MICAL3: variants seen among roughly 807,000 people sequenced by gnomAD.
MICAL3 encodes microtubule associated monooxygenase, calponin and LIM domain containing 3.
In MICAL3, 62 loss-of-function variants were observed where a neutral mutation model predicts 207.4. The observed-to-expected ratio is 0.30, with a 90% CI of 0.24 to 0.37. The LOEUF is 0.37. Ranked by LOEUF, MICAL3 falls within the 10% of genes least tolerant of loss-of-function variation. MICAL3 has a pLI of 1.00. For synonymous variants in MICAL3, 1,077 were observed against 1,069.3 expected (o/e 1.01, Z -0.14); for missense variants, 2,368 against 2,635.6 (o/e 0.90, Z 2.22).
At chr22:17,936,564 T>G (rs1933539892) in intron 1 of MICAL3, among the ~76,000 whole-genome samples, 1 of 149,994 alleles carries the variant, frequency 6.7e-6, no homozygotes, top group Admixed American at 6.6e-5. Context: ...CCCTAGAACT[T>G]AAAGTATAAT....
intron 19 of MICAL3, chr22:17,861,219 T>TGAA: frequency 3.0e-6 from 3 of 985,424 alleles, no homozygotes; most frequent in Non-Finnish European, 3.6e-6. Context: ...GCTACCCTTC[T>TGAA]AGCTGGTGTG....
intron 16 of MICAL3, among the ~76,000 whole-genome samples, chr22:17,882,310 G>A (rs561392012): frequency 6.6e-6 from 1 of 152,290 alleles, no homozygotes; most frequent in East Asian, 1.9e-4. Flanking sequence ...GGCTGAGGCG[G>A]GCCCTTCTGT....
At chr22:17,822,283 G>A in intron 23 of MICAL3, 113 bp from the exon 24 acceptor site, 1 of 1,314,136 alleles carries the variant, frequency 7.6e-7, no homozygotes, top group Non-Finnish European at 1.0e-6. Context: ...CTCAGGTGCA[G>A]GCCTGGAGGC....
chr22:17,875,456 G>A (rs755232785), intron 16 of MICAL3: 2 of 1,561,516 alleles, frequency 1.3e-6, no homozygotes, highest in Non-Finnish European at 1.7e-6. Context: ...CCTGTCGGAG[G>A]GAGTCGGAGG....
In MICAL3 at chr22:17,893,889, C is replaced by G; in HGVS notation, c.1465G>C (p.Asp489His). Reference protein sequence around the residue: ...LRPSQVRHLYDTGETKDIHLE... With the variant: ...LRPSQVRHLYHTGETKDIHLE... Reference sequence around the variant, plus strand: ...TGAATATCTTTTGTTTCGCCAGTATCATATAAATGGCGCACCTGGCAGAAA... The same window carrying G: ...TGAATATCTTTTGTTTCGCCAGTATGATATAAATGGCGCACCTGGCAGAAA... Residue 489 changes from aspartate (D) to histidine (H), a missense_variant, in exon 11 of 32, where the codon GAT becomes CAT. Coordinates refer to ENST00000441493, the MANE Select transcript of MICAL3 (RefSeq NM_015241.3). 6.4e-7 allele frequency: 1 copy of G among 1,558,912 alleles called. No homozygotes were observed. The highest frequency in any genetic ancestry group is 8.7e-7 in the Non-Finnish European group (1 of 1,150,138).
At chr22:17,975,533 A>G (rs1935593222) in intron 1 of MICAL3, among the ~76,000 whole-genome samples, 1 of 152,068 alleles carries the variant, frequency 6.6e-6, no homozygotes, top group Non-Finnish European at 1.5e-5. Context: ...CAGCTACAGG[A>G]CTTATACTCA....
At position 17,972,966 on chromosome 22, in the gene MICAL3, C is replaced by T. The variant is rs116912126; in HGVS notation, c.-75+51315G>A. ...TGCCCTCAGGCCCCTGCACGTCAGG[C>T]ATGTTGCGCCTTGCCCAGCCGGGCC... On this transcript the variant is annotated intron_variant, in intron 1 of 31. Coordinates refer to ENST00000441493, the MANE Select transcript of MICAL3 (RefSeq NM_015241.3). Among the ~76,000 whole-genome samples the T allele has an allele frequency of 6.6e-3, 1,008 of 152,372 alleles. 5 individuals carry two copies. Among genetic ancestry groups the T allele is most frequent in the Middle Eastern group, 0.01 (3 of 294 alleles).
chr22:17,946,934 C>G (rs1410728332), intron 1 of MICAL3, among the ~76,000 whole-genome samples: 1 of 152,176 alleles, frequency 6.6e-6, no homozygotes, highest in Non-Finnish European at 1.5e-5. Context: ...CCCTTCCAAG[C>G]CGGAAGATGG....
intron 1 of MICAL3, among the ~76,000 whole-genome samples, chr22:17,988,292 T>C (rs938902749): frequency 3.9e-5 from 6 of 152,306 alleles, no homozygotes; most frequent in East Asian, 1.9e-4. Context: ...AAAATGTATC[T>C]GGCATCAGGT....
chr22:17,789,978 G>A lies in MICAL3; in HGVS notation c.*754C>T, dbSNP rs1438264101. ...GACAATGCCTGTCTGCCAACTGGGG[G>A]CTTAGAATGTAGGGCCTCATCCTGT... is the stretch of plus-strand genomic sequence containing the variant. On this transcript the variant is annotated 3_prime_UTR_variant, in exon 32 of 32. Coordinates refer to ENST00000441493, the MANE Select transcript of MICAL3 (RefSeq NM_015241.3). The A allele has an allele frequency of 6.6e-6, 1 of 152,170 alleles. No homozygotes were observed. 9.4% of individuals were successfully genotyped at this position (152,170 alleles called of 1,614,324 possible).
At chr22:17,838,878 C>A (rs1299257618) in intron 20 of MICAL3, among the ~76,000 whole-genome samples, 1 of 151,538 alleles carries the variant, frequency 6.6e-6, no homozygotes, top group Non-Finnish European at 1.5e-5. Flanking sequence ...CAGAGAAAAA[C>A]ACCACGCACT....
At chr22:17,879,891 A>G (rs903079628) in intron 16 of MICAL3, among the ~76,000 whole-genome samples, 2 of 152,236 alleles carry the variant, frequency 1.3e-5, no homozygotes, top group African/African-American at 4.8e-5. Flanking sequence ...GGGCCAAAGC[A>G]TAATTTACTA....
chr22:17,821,293 T>G, intron 25 of MICAL3, 134 bp downstream of exon 25: 1 of 685,724 alleles, frequency 1.5e-6, no homozygotes, highest in Non-Finnish European at 2.4e-6. Flanking sequence ...TTCCTCAGAA[T>G]GAGGAGGCCA....
intron 1 of MICAL3, chr22:18,005,448 C>T (rs533263430): frequency 6.6e-6 from 1 of 152,184 alleles, no homozygotes; most frequent in East Asian, 1.9e-4. Flanking sequence ...AATTCCTGCC[C>T]CCTGCGTGAA....
chr22:17,881,255 G>A, intron 16 of MICAL3: 2 of 1,612,098 alleles, frequency 1.2e-6, no homozygotes, highest in Non-Finnish European at 1.7e-6. Context: ...GGAGGAGACA[G>A]GGTGATCACT....
chr22:18,001,746 G>A (rs113154974), intron 1 of MICAL3, among the ~76,000 whole-genome samples: 5 of 152,358 alleles, frequency 3.3e-5, no homozygotes, highest in Non-Finnish European at 1.5e-5. Context: ...CCCCCTGCAG[G>A]ATCCATATGG....
rs145142923 is a variant in MICAL3, at chr22:17,884,767, G to A, written c.2241+1111C>T. On this transcript the variant is annotated intron_variant, in intron 16 of 31. Transcript: ENST00000441493. The stretch of plus-strand genomic sequence containing the variant: ...AAGGTAGGGGCACCTGGGGCTGCCA[G>A]AGCCTCCAGACAACCACAACCGTTT... 3.0e-3 allele frequency among the ~76,000 whole-genome samples: 455 copies of A among 152,324 alleles called. 3 individuals are homozygous for A. Among genetic ancestry groups the A allele is most frequent in the African/African-American group, 0.011 (443 of 41,576 alleles).
In MICAL3 at chr22:17,955,781, A is replaced by G. The variant is rs549499907; in HGVS notation, c.-74-48895T>C. 4.2e-3 allele frequency among the ~76,000 whole-genome samples: 642 copies of G among 152,254 alleles called. 4 individuals carry two copies. Among genetic ancestry groups the G allele is most frequent in the African/African-American group, 0.014 (598 of 41,536 alleles). On this transcript the variant is annotated intron_variant, in intron 1 of 31. Transcript: ENST00000441493. ...ATTTCCTGGACAACTTCCAGCCTAG[A>G]GTGGGAGGTGGAAATAGATCTCATG...
chr22:17,834,522 C>G (rs755389835), intron 20 of MICAL3: 34 of 1,220,094 alleles, frequency 2.8e-5, no homozygotes, highest in Admixed American at 6.1e-5. Context: ...TTGAGACCAT[C>G]CTGGGCAACC....
Sources: allele counts gnomAD v4.1 joint callset (sites outside exome capture counted in the v4.1 genomes callset), GRCh38; gene constraint gnomAD v4.1.1; transcripts MANE v1.5; gene names NCBI Gene and HGNC (gene_info 2026-07-23, HGNC 2026-07-21).